The following ARHGAP10 variants were observed in gnomAD, a reference collection of about 807,000 sequenced individuals.
The protein encoded by ARHGAP10 is Rho GTPase activating protein 10, also known as rho GTPase-activating protein 10.
ARHGAP10 carries 87 observed loss-of-function variants against 108.6 expected under a neutral mutation model. That is an observed-to-expected ratio of 0.80 (90% confidence interval 0.67 to 0.96). The LOEUF (loss-of-function observed/expected upper bound fraction) is 0.96, where lower values mean the gene tolerates loss of function less well. Among genes scored for constraint, ARHGAP10 ranks in the 40% least tolerant of loss-of-function variants. The probability of loss-of-function intolerance (pLI) is 0.00; values close to 1 mark genes in which losing one functional copy is unlikely to be tolerated. For synonymous variants in ARHGAP10, 347 were observed against 341.1 expected (o/e 1.02, Z -0.19); for missense variants, 939 against 954.5 (o/e 0.98, Z 0.21).
intron 22 of ARHGAP10, among the ~76,000 whole-genome samples, chr4:148,067,193 G>A (rs1378345160): frequency 6.6e-6 from 1 of 152,208 alleles, no homozygotes; most frequent in Non-Finnish European, 1.5e-5. Context: ...AGATAATAGT[G>A]GAAGGTGTTC....
chr4:148,028,202 C>G (rs532515946), intron 19 of ARHGAP10, among the ~76,000 whole-genome samples: 28 of 152,012 alleles, frequency 1.8e-4, no homozygotes, highest in Non-Finnish European at 3.5e-4. Flanking sequence ...AGGGGAGTAG[C>G]GTGACTGAGG....
intron 12 of ARHGAP10, among the ~76,000 whole-genome samples, chr4:147,911,101 T>G (rs1298417336): frequency 6.6e-6 from 1 of 152,150 alleles, no homozygotes; most frequent in Non-Finnish European, 1.5e-5. Flanking sequence ...TGCAGAGACG[T>G]TAAAACATGT....
At chr4:148,062,752 C>T (rs1045677261) in intron 20 of ARHGAP10, among the ~76,000 whole-genome samples, 2 of 152,036 alleles carry the variant, frequency 1.3e-5, no homozygotes, top group African/African-American at 4.8e-5. Flanking sequence ...TTTAGCTGAT[C>T]TTTTGCAGCT....
chr4:147,963,464 A>G (rs962288852), intron 16 of ARHGAP10, among the ~76,000 whole-genome samples: 1 of 152,178 alleles, frequency 6.6e-6, no homozygotes, highest in African/African-American at 2.4e-5. Context: ...CACTTCTTTG[A>G]CGCCTGTGAA....
At chr4:147,782,689 T>C (rs1357147778) in intron 1 of ARHGAP10, 1 of 152,232 alleles carries the variant, frequency 6.6e-6, no homozygotes, top group Non-Finnish European at 1.5e-5. Context: ...CAGTACTGAC[T>C]GTGGTACAAC....
chr4:147,965,894 A>G (rs944897040), intron 17 of ARHGAP10, among the ~76,000 whole-genome samples: 1 of 152,242 alleles, frequency 6.6e-6, no homozygotes, highest in Non-Finnish European at 1.5e-5. Context: ...TTCAGATGAT[A>G]AATAGCAAAA....
chr4:147,944,673 A>AG (rs1185829717), intron 14 of ARHGAP10, among the ~76,000 whole-genome samples: 3 of 152,282 alleles, frequency 2.0e-5, no homozygotes, highest in African/African-American at 7.2e-5. Flanking sequence ...AGTATAAGGG[A>AG]GGGAAAAAAC....
At chr4:147,922,082 G>A (rs1737254308) in intron 13 of ARHGAP10, among the ~76,000 whole-genome samples, 1 of 152,104 alleles carries the variant, frequency 6.6e-6, no homozygotes, top group African/African-American at 2.4e-5. Flanking sequence ...CAGGGCAAGA[G>A]GAATTGTCCA....
chr4:148,045,964 G>A (rs1728864027), intron 19 of ARHGAP10, among the ~76,000 whole-genome samples: 1 of 152,104 alleles, frequency 6.6e-6, no homozygotes, highest in African/African-American at 2.4e-5. Context: ...TAAAATTAAG[G>A]CCAAGTCAGT....
chr4:147,830,014 C>T (rs1008135116), intron 3 of ARHGAP10, among the ~76,000 whole-genome samples: 1 of 152,206 alleles, frequency 6.6e-6, no homozygotes, highest in African/African-American at 2.4e-5. Flanking sequence ...CCGCCTCCCT[C>T]TCATCCTGGG....
chr4:147,877,877 T>C (rs910287237), intron 8 of ARHGAP10, among the ~76,000 whole-genome samples: 2 of 148,626 alleles, frequency 1.3e-5, no homozygotes, highest in Non-Finnish European at 2.9e-5. Context: ...GCCATTCTCT[T>C]GGTTCTTAAG....
chr4:148,032,934 A>G (rs1390455129), intron 19 of ARHGAP10, among the ~76,000 whole-genome samples: 2 of 152,188 alleles, frequency 1.3e-5, no homozygotes, highest in East Asian at 3.8e-4. Flanking sequence ...TGCCTGCTTT[A>G]TTCCAGCTGC....
intron 19 of ARHGAP10, among the ~76,000 whole-genome samples, chr4:148,034,008 C>T (rs775263708): frequency 7.2e-5 from 11 of 152,136 alleles, no homozygotes; most frequent in Non-Finnish European, 1.5e-4. Context: ...AATTTCTTCC[C>T]TCCTCTTGAT....
intron 19 of ARHGAP10, among the ~76,000 whole-genome samples, chr4:148,027,967 A>G (rs1343647703): frequency 3.3e-5 from 5 of 152,016 alleles, no homozygotes; most frequent in Admixed American, 6.6e-5. Context: ...TATACTGCAT[A>G]TCAATTGAAG....
At chr4:147,969,388 A>T (rs894317808) in intron 18 of ARHGAP10, among the ~76,000 whole-genome samples, 6 of 145,306 alleles carry the variant, frequency 4.1e-5, no homozygotes, top group African/African-American at 1.6e-4. Flanking sequence ...GATCCTGTCA[A>T]ACTGTTATTA....
At chr4:147,995,168 G>T (rs1232605310) in intron 18 of ARHGAP10, among the ~76,000 whole-genome samples, 1 of 152,094 alleles carries the variant, frequency 6.6e-6, no homozygotes, top group Non-Finnish European at 1.5e-5. Context: ...ATTCTCCATT[G>T]CTACCCATTC....
chr4:147,784,590 AATAT>A (rs1264822261), intron 1 of ARHGAP10, among the ~76,000 whole-genome samples: 337 of 113,446 alleles, frequency 3.0e-3, no homozygotes, highest in Non-Finnish European at 4.2e-3. Context: ...ATATATTATA[AATAT>A]ATATTATATA....
chr4:147,808,856 T>C (rs1445821472), intron 1 of ARHGAP10: 1 of 152,314 alleles, frequency 6.6e-6, no homozygotes, highest in African/African-American at 2.4e-5. Context: ...CATTTGTGTC[T>C]CCTTCTTAGT....
rs11410393 is a variant in ARHGAP10, at chr4:147,857,534, G to GTT, written c.385-10_385-9dup. The GTT allele has an allele frequency of 0.037, 38,700 of 1,039,300 alleles. 9 individuals are homozygous for GTT. Among genetic ancestry groups the GTT allele is most frequent in the South Asian group, 0.059 (2,875 of 49,114 alleles). 64.4% of individuals were successfully genotyped at this position (1,039,300 alleles called of 1,614,324 possible). Reference sequence around the variant, plus strand: ...ATCCTTTTGTTTCTGTTTAATCATAGTTTTTTTTTTATTTGTAGGAAGAAA... The same window carrying GTT: ...ATCCTTTTGTTTCTGTTTAATCATAGTTTTTTTTTTTTATTTGTAGGAAGAAA... On this transcript the variant is annotated intron_variant, in intron 4 of 22. Transcript: ENST00000336498.
Sources: gnomAD v4.1 joint callset for allele counts (sites outside exome capture counted in the v4.1 genomes callset) on GRCh38, gnomAD v4.1.1 for gene constraint, MANE v1.5 for transcripts, NCBI Gene and HGNC (gene_info 2026-07-23, HGNC 2026-07-21) for gene names.